CBLB: variants seen among roughly 807,000 people sequenced by gnomAD.
The protein encoded by CBLB is E3 ubiquitin-protein ligase CBL-B.
In CBLB, 31 loss-of-function variants were observed where a neutral mutation model predicts 104.9. The ratio of observed to expected loss-of-function variants is 0.30; its 90% confidence interval spans 0.22 to 0.40. The LOEUF (loss-of-function observed/expected upper bound fraction) is 0.40, where lower values mean the gene tolerates loss of function less well. Among genes scored for constraint, CBLB ranks in the 10% least tolerant of loss-of-function variants. The pLI, the probability that CBLB is intolerant of heterozygous loss-of-function variation, is 1.00. For synonymous variants in CBLB, 440 were observed against 422.6 expected (o/e 1.04, Z -0.51); for missense variants, 1,062 against 1,214.6 (o/e 0.87, Z 1.87).
chr3:105,769,329 AT>A (rs1678660687), intron 4 of CBLB, among the ~76,000 whole-genome samples: 1 of 152,110 alleles, frequency 6.6e-6, no homozygotes, highest in African/African-American at 2.4e-5. Context: ...AAAAAAAAAA[AT>A]TATTATTGCC....
chr3:105,816,776 C>G (rs1458257317), intron 3 of CBLB, among the ~76,000 whole-genome samples: 6 of 152,096 alleles, frequency 3.9e-5, no homozygotes, highest in Non-Finnish European at 5.9e-5. Context: ...CTTTACTGAG[C>G]ACCAAAATAT....
rs541740766 is a variant in CBLB, at chr3:105,732,648, A to C, written c.1203+1361T>G. Among the ~76,000 whole-genome samples, 11 of 152,298 alleles carry C rather than the reference A, an allele frequency of 7.2e-5. No homozygotes were observed. In the East Asian group the frequency reaches 1.7e-3, roughly 24 times the overall value. On this transcript the variant is annotated intron_variant, in intron 9 of 18. Coordinates refer to ENST00000394030, the MANE Select transcript of CBLB (RefSeq NM_170662.5). ...ATTAAAAAAATATTCACAAAAGAAG[A>C]AGCAGGCCCTTTTATGACTATGAAA... is the stretch of plus-strand genomic sequence containing the variant.
chr3:105,689,782 A>G (rs2067444094), intron 13 of CBLB, among the ~76,000 whole-genome samples: 1 of 151,976 alleles, frequency 6.6e-6, no homozygotes, highest in Non-Finnish European at 1.5e-5. Flanking sequence ...CTCCAAAAAA[A>G]TAATTACCCA....
At chr3:105,711,361 A>C (rs1043532983) in intron 10 of CBLB, among the ~76,000 whole-genome samples, 4 of 152,152 alleles carry the variant, frequency 2.6e-5, no homozygotes, top group South Asian at 4.1e-4. Flanking sequence ...TCACATGATA[A>C]AATAGTCTAA....
At chr3:105,780,653 G>GTTTTTTTTTTTTTTTTTTTTTTTTTT (rs1245925965) in intron 3 of CBLB, among the ~76,000 whole-genome samples, 2 of 84,678 alleles carry the variant, frequency 2.4e-5, no homozygotes, top group Admixed American at 1.3e-4. Flanking sequence ...TAAAAGTTTT[G>GTTTTTTTTTTTTTTTTTTTTTTTTTT]TTTTTTGTTT....
intron 3 of CBLB, among the ~76,000 whole-genome samples, chr3:105,839,706 T>A (rs910599832): frequency 1.3e-5 from 2 of 152,228 alleles, no homozygotes; most frequent in African/African-American, 4.8e-5. Flanking sequence ...TGAGCATGGC[T>A]CCGCCATTGA....
chr3:105,864,948 G>C (rs1052155853), intron 2 of CBLB, among the ~76,000 whole-genome samples: 2 of 152,080 alleles, frequency 1.3e-5, no homozygotes, highest in African/African-American at 2.4e-5. Flanking sequence ...TTGCAAAGAG[G>C]CTTCATAAGA....
At chr3:105,733,918 C>A in intron 9 of CBLB, 91 bp downstream of exon 9, 3 of 1,191,210 alleles carry the variant, frequency 2.5e-6, no homozygotes, top group South Asian at 1.3e-5. Context: ...AAAGCACTTA[C>A]CAGCATTACT....
At chr3:105,688,191 C>T (rs954546596) in intron 13 of CBLB, among the ~76,000 whole-genome samples, 2 of 151,972 alleles carry the variant, frequency 1.3e-5, no homozygotes, top group Non-Finnish European at 2.9e-5. Flanking sequence ...TTGGCTGACT[C>T]CACATTAAAG....
chr3:105,685,272 A>G (rs764844268), intron 14 of CBLB, 48 bp downstream of exon 14: 1 of 1,489,640 alleles, frequency 6.7e-7, no homozygotes, highest in Non-Finnish European at 9.4e-7. Context: ...ATTACAAATG[A>G]TAATGCTTAT....
Position 105,704,003 on chromosome 3 carries a change from T to TG in CBLB, c.1577dup (p.Thr527AsnfsTer16). The TG allele has an allele frequency of 6.2e-7, 1 of 1,614,096 alleles. No individual in the cohort carries two copies. The highest frequency in any genetic ancestry group is 8.5e-7 in the Non-Finnish European group (1 of 1,179,932). On this transcript the variant is annotated frameshift_variant, in exon 11 of 19. Transcript: ENST00000394030. LOFTEE classifies it high-confidence loss of function. ...ATTGATCTACCTTTGGTGAACCCGT[T>TG]GGGCTGCCACAGGGAGATCTAACTA...
intron 18 of CBLB, among the ~76,000 whole-genome samples, chr3:105,659,725 T>C (rs1027819078): frequency 4.1e-4 from 62 of 152,076 alleles, no homozygotes; most frequent in African/African-American, 1.3e-3. Context: ...GTCCCATCCA[T>C]GTCACAGCAG....
intron 3 of CBLB, among the ~76,000 whole-genome samples, chr3:105,818,103 C>T (rs1024901302): frequency 6.6e-6 from 1 of 151,984 alleles, no homozygotes; most frequent in South Asian, 2.1e-4. Context: ...TTCAAAAACA[C>T]CACAAATTTC....
intron 3 of CBLB, among the ~76,000 whole-genome samples, chr3:105,803,358 C>T (rs2083125243): frequency 6.6e-6 from 1 of 152,114 alleles, no homozygotes; most frequent in Admixed American, 6.6e-5. Context: ...TGGCGGCTTG[C>T]ATGTCTCAGA....
chr3:105,671,753 C>T (rs1454971935), intron 17 of CBLB: 2 of 200,116 alleles, frequency 1.0e-5, no homozygotes, highest in African/African-American at 4.6e-5. Context: ...ATAATTATCA[C>T]CAGCTTTGCT....
intron 14 of CBLB, among the ~76,000 whole-genome samples, chr3:105,683,850 A>T (rs2066643178): frequency 6.6e-6 from 1 of 152,178 alleles, no homozygotes; most frequent in Non-Finnish European, 1.5e-5. Context: ...TTAAAAAAAT[A>T]AAGTCCTGCG....
chr3:105,843,520 T>C (rs75248842), intron 3 of CBLB, among the ~76,000 whole-genome samples: 3,324 of 152,278 alleles, frequency 0.022, 78 homozygotes, highest in East Asian at 0.12. Context: ...ATTATAAATG[T>C]AAATTAAATG....
At chr3:105,769,055 T>TATA (rs1286839358) in intron 4 of CBLB, among the ~76,000 whole-genome samples, 2 of 152,224 alleles carry the variant, frequency 1.3e-5, no homozygotes, top group Non-Finnish European at 2.9e-5. Flanking sequence ...GGCTCATGCC[T>TATA]ATAATCCCAG....
At chr3:105,838,393 G>T (rs1468279456) in intron 3 of CBLB, among the ~76,000 whole-genome samples, 2 of 150,508 alleles carry the variant, frequency 1.3e-5, no homozygotes, top group African/African-American at 4.9e-5. Context: ...GCTATGGTCA[G>T]AAGGAAAAGA....
Sources: allele counts gnomAD v4.1 joint callset (sites outside exome capture counted in the v4.1 genomes callset), GRCh38; gene constraint gnomAD v4.1.1; transcripts MANE v1.5; gene names NCBI Gene and HGNC (gene_info 2026-07-23, HGNC 2026-07-21).